The following PARD3B variants were observed in gnomAD, a reference collection of about 807,000 sequenced individuals.
The protein encoded by PARD3B is par-3 family cell polarity regulator beta.
PARD3B carries 103 observed loss-of-function variants against 130.2 expected under a neutral mutation model. That is an observed-to-expected ratio of 0.79 (90% confidence interval 0.67 to 0.93). The LOEUF (loss-of-function observed/expected upper bound fraction) is 0.93. Ranked by LOEUF, PARD3B falls within the 40% of genes least tolerant of loss-of-function variation. The pLI is 0.00. For synonymous variants in PARD3B, 583 were observed against 553.2 expected (o/e 1.05, Z -0.76); for missense variants, 1,609 against 1,499.2 (o/e 1.07, Z -1.21).
chr2:205,055,518 T>C (rs931972788), intron 4 of PARD3B, among the ~76,000 whole-genome samples: 1 of 152,220 alleles, frequency 6.6e-6, no homozygotes, highest in African/African-American at 2.4e-5. Flanking sequence ...GTAGTTTTAT[T>C]TTAAAGACCA....
chr2:204,668,592 A>G (rs761247112), intron 1 of PARD3B, among the ~76,000 whole-genome samples: 1 of 152,200 alleles, frequency 6.6e-6, no homozygotes, highest in Non-Finnish European at 1.5e-5. Context: ...CATTCCAAAT[A>G]CATCTCTGAG....
At chr2:205,211,907 T>C (rs1321423078) in intron 15 of PARD3B, among the ~76,000 whole-genome samples, 2 of 152,082 alleles carry the variant, frequency 1.3e-5, no homozygotes, top group Non-Finnish European at 2.9e-5. Flanking sequence ...TCCTTAAAAG[T>C]AAAACAAGGG....
intron 4 of PARD3B, among the ~76,000 whole-genome samples, chr2:205,056,714 C>A (rs941580201): frequency 6.6e-6 from 1 of 151,808 alleles, no homozygotes; most frequent in Non-Finnish European, 1.5e-5. Context: ...ACGTTTTAAG[C>A]AAAGAATGGT....
At chr2:204,635,844 T>G (rs972639284) in intron 1 of PARD3B, among the ~76,000 whole-genome samples, 3 of 152,188 alleles carry the variant, frequency 2.0e-5, no homozygotes, top group African/African-American at 7.2e-5. Flanking sequence ...ATAGAAATCA[T>G]TTCCCCATCT....
In PARD3B at chr2:205,590,449, G is replaced by T. The variant is rs1007076972; in HGVS notation, c.3261-25007G>T. Among the ~76,000 whole-genome samples, 1 of 152,150 alleles carries T rather than the reference G, an allele frequency of 6.6e-6. No homozygotes were observed. The highest frequency in any genetic ancestry group is 2.4e-5 in the African/African-American group (1 of 41,436). On this transcript the variant is annotated intron_variant, in intron 22 of 22. Coordinates refer to ENST00000406610, the MANE Select transcript of PARD3B (RefSeq NM_001302769.2). The surrounding 1 kb of genome is among the most constrained non-coding windows in gnomAD (Gnocchi z 4.1). ...TTAACATTTTCCACAGAAGTCCTAG[G>T]ATCATCTCAGGTTGCTTTTATCGCG...
intron 21 of PARD3B, among the ~76,000 whole-genome samples, chr2:205,524,006 GT>G (rs1218197697): frequency 6.6e-6 from 1 of 151,498 alleles, no homozygotes. Flanking sequence ...GCTTCCCAAG[GT>G]TTTTTTCCTG....
In PARD3B at chr2:205,615,524, T is replaced by C. The variant is rs1416852779; in HGVS notation, c.3329T>C (p.Leu1110Pro). The C allele has an allele frequency of 3.1e-6, 5 of 1,613,916 alleles. No individual in the cohort carries two copies. The highest frequency in any genetic ancestry group is 1.1e-5 in the South Asian group (1 of 91,058). The change falls in exon 23 of 23, where the codon CTT becomes CCT. Residue 1110 changes from leucine to proline, a missense_variant. Transcript: ENST00000406610. ...APRGLYKERELPYYPGAHPMH... is the reference protein window; with the variant it reads ...APRGLYKEREPPYYPGAHPMH... ...CGGGGGCTCTACAAGGAAAGGGAGC[T>C]TCCCTATTATCCAGGGGCTCATCCT... is the stretch of plus-strand genomic sequence containing the variant.
At chr2:204,822,603 C>T (rs936870188) in intron 2 of PARD3B, among the ~76,000 whole-genome samples, 2 of 151,978 alleles carry the variant, frequency 1.3e-5, no homozygotes, top group African/African-American at 4.8e-5. Context: ...TCTTAGGTAC[C>T]TGTGCAGCAC....
intron 18 of PARD3B, among the ~76,000 whole-genome samples, chr2:205,331,873 T>C (rs892271537): frequency 4.0e-5 from 6 of 149,846 alleles, no homozygotes; most frequent in Non-Finnish European, 1.5e-5. Flanking sequence ...TTTCAGAAGC[T>C]GAGGCGGGCA....
chr2:205,084,709 G>A (rs1484023141), intron 4 of PARD3B, among the ~76,000 whole-genome samples: 1 of 151,678 alleles, frequency 6.6e-6, no homozygotes, highest in Admixed American at 6.6e-5. Context: ...GTTTTTGCTC[G>A]TTTTTAGGTT....
chr2:205,307,523 C>T (rs1170737224), intron 18 of PARD3B, among the ~76,000 whole-genome samples: 1 of 152,144 alleles, frequency 6.6e-6, no homozygotes, highest in East Asian at 1.9e-4. Context: ...CTTTATGGCA[C>T]TAACCTGCAG....
intron 3 of PARD3B, among the ~76,000 whole-genome samples, chr2:205,020,447 G>C (rs1696509081): frequency 6.6e-6 from 1 of 152,048 alleles, no homozygotes; most frequent in African/African-American, 2.4e-5. Flanking sequence ...GTGCATCTTT[G>C]TTGAGTTAAA....
chr2:205,293,525 C>T (rs971736591), intron 16 of PARD3B: 3 of 152,106 alleles, frequency 2.0e-5, no homozygotes, highest in Admixed American at 2.0e-4. Flanking sequence ...CTATTTAAAG[C>T]ACACATGAGG....
chr2:205,140,580 GTC>G (rs1190824746), intron 10 of PARD3B, among the ~76,000 whole-genome samples: 3 of 149,104 alleles, frequency 2.0e-5, no homozygotes, highest in Non-Finnish European at 3.0e-5. Context: ...AACAAAATGA[GTC>G]TTGCTTATAC....
chr2:205,217,891 TA>T (rs1323990765), intron 15 of PARD3B, among the ~76,000 whole-genome samples: 3,809 of 57,604 alleles, frequency 0.066, 377 homozygotes, highest in East Asian at 0.31. Flanking sequence ...TATATATATA[TA>T]TATTTTTTTT....
chr2:205,544,772 G>T (rs1485809437), intron 21 of PARD3B, among the ~76,000 whole-genome samples: 1 of 152,166 alleles, frequency 6.6e-6, no homozygotes, highest in African/African-American at 2.4e-5. Flanking sequence ...AAATCATCAT[G>T]TGCCTGCACA....
At chr2:205,002,541 G>T (rs1298659821) in intron 3 of PARD3B, among the ~76,000 whole-genome samples, 1 of 152,068 alleles carries the variant, frequency 6.6e-6, no homozygotes. Flanking sequence ...TGCCTTTTCT[G>T]CATCCTGGTA....
chr2:205,540,483 G>T (rs2052076087), intron 21 of PARD3B, among the ~76,000 whole-genome samples: 1 of 152,052 alleles, frequency 6.6e-6, no homozygotes. Flanking sequence ...AAATTCATAT[G>T]GTTCAATGCT....
intron 1 of PARD3B, among the ~76,000 whole-genome samples, chr2:204,560,424 C>T (rs1215241500): frequency 2.0e-5 from 3 of 151,964 alleles, no homozygotes; most frequent in Admixed American, 1.3e-4. Flanking sequence ...AGGAGCATGG[C>T]AACAAATGGC....
Sources: gnomAD v4.1 joint callset for allele counts (sites outside exome capture counted in the v4.1 genomes callset) on GRCh38, gnomAD v4.1.1 for gene constraint, Gnocchi (gnomAD v3.1) non-coding constraint, MANE v1.5 for transcripts, NCBI Gene and HGNC (gene_info 2026-07-23, HGNC 2026-07-21) for gene names.